SLC8A2: variants seen among roughly 807,000 people sequenced by gnomAD.
SLC8A2 encodes solute carrier family 8 member A2, also known as sodium/calcium exchanger 2.
SLC8A2 carries 14 observed loss-of-function variants against 70.2 expected under a neutral mutation model. That is an observed-to-expected ratio of 0.20 (90% CI 0.13 to 0.31). The LOEUF is 0.31. SLC8A2 is among the 10% of genes least tolerant of loss of function. SLC8A2 has a pLI of 1.00. For missense variants in SLC8A2, 779 were observed against 1,320.1 expected, an observed-to-expected ratio of 0.59 and a Z score of 6.35; for synonymous variants, 575 against 594.3, an observed-to-expected ratio of 0.97 and a Z score of 0.47.
At chr19:47,446,922 T>G (rs1408963831) in intron 4 of SLC8A2, among the ~76,000 whole-genome samples, 1 of 152,092 alleles carries the variant, frequency 6.6e-6, no homozygotes, top group African/African-American at 2.4e-5. Context: ...TGTGTGTGTC[T>G]GAGTGTATCC....
Position 47,466,481 on chromosome 19 carries a change from T to TCAAA in SLC8A2, c.-16-66_-16-63dup. 1.6e-6 allele frequency: 1 copy of TCAAA among 623,986 alleles called. No homozygotes were observed. 38.7% of individuals were successfully genotyped at this position (623,986 alleles called of 1,614,324 possible). The stretch of plus-strand genomic sequence containing the variant: ...CAAACCTCTTTCTGTCATACAAAGG[T>TCAAA]CAAAGCTCACTGGGGAAGGAGGGTT... On this transcript the variant is annotated intron_variant, in intron 1 of 9. Coordinates refer to ENST00000236877, the MANE Select transcript of SLC8A2 (RefSeq NM_015063.3). The surrounding 1 kb of genome is among the most constrained non-coding windows in gnomAD (Gnocchi z 6.9).
chr19:47,458,204 C>T (rs922346976), intron 2 of SLC8A2, among the ~76,000 whole-genome samples: 1 of 149,276 alleles, frequency 6.7e-6, no homozygotes, highest in Admixed American at 6.7e-5. Flanking sequence ...TCTCTCCCCA[C>T]CTCTTTCTGA....
chr19:47,447,413 T>A lies in SLC8A2; in HGVS notation c.1763+396A>T. On this transcript the variant is annotated intron_variant, in intron 4 of 9. Coordinates refer to ENST00000236877, the MANE Select transcript of SLC8A2 (RefSeq NM_015063.3). The surrounding 1 kb of genome is among the most constrained non-coding windows in gnomAD (Gnocchi z 5.1). ...CTCTCCTCACCTCGTCCCCCCTTCCTCCTTGGGGCCCTCTTCTCACCTGTC... is the reference window on the plus strand; with the variant it reads ...CTCTCCTCACCTCGTCCCCCCTTCCACCTTGGGGCCCTCTTCTCACCTGTC... 1 of 254,116 alleles carries A rather than the reference T, an allele frequency of 3.9e-6. No individual in the cohort carries two copies. Among genetic ancestry groups the A allele is most frequent in the Non-Finnish European group, 7.6e-6 (1 of 131,724 alleles). The allele number at this position is 254,116 out of a possible 1,614,324, so 15.7% of individuals were successfully genotyped here. A position where few individuals can be genotyped will look rare whatever the true frequency, so the allele number is the denominator to read the frequency against.
In SLC8A2 at chr19:47,457,439, C is replaced by T. The variant is rs779415776; in HGVS notation, c.831G>A (p.Pro277=). Residue 277 remains proline (P), a synonymous_variant, in exon 3 of 10, where the codon CCG becomes CCA. Coordinates refer to ENST00000236877, the MANE Select transcript of SLC8A2 (RefSeq NM_015063.3). ...GIIIGAEGDP[P]KSIELDGTFV... ...ACGTGCCGTCCAGCTCGATGCTCTT[C>T]GGGGGGTCGCCCTCGGCGCCTATGA... 7 of 1,603,814 alleles carry T rather than the reference C, an allele frequency of 4.4e-6. No homozygotes were observed. The highest frequency in any genetic ancestry group is 5.9e-6 in the Non-Finnish European group (7 of 1,176,512).
chr19:47,447,529 G>T lies in SLC8A2; in HGVS notation c.1763+280C>A. The T allele has an allele frequency of 2.2e-6, 1 of 455,644 alleles. No homozygotes were observed. The highest frequency in any genetic ancestry group is 2.7e-5 in the South Asian group (1 of 37,418). 28.2% of individuals were successfully genotyped at this position (455,644 alleles called of 1,614,324 possible). A position where few individuals can be genotyped will look rare whatever the true frequency, so the allele number is the denominator to read the frequency against. On this transcript the variant is annotated intron_variant, in intron 4 of 9. Coordinates refer to ENST00000236877, the MANE Select transcript of SLC8A2 (RefSeq NM_015063.3). This position sits in a 1 kb window ranked among gnomAD's most constrained non-coding sequence, Gnocchi z 5.1. ...GGTAGACACAGCACACCTAGGCCCC[G>T]CCCCTCCCGAGGCCAAGCCCACTTT...
At position 47,468,445 on chromosome 19, in the gene SLC8A2, C is replaced by T. The variant is rs963191628; in HGVS notation, c.-16-2026G>A. Among the ~76,000 whole-genome samples, 6 of 152,156 alleles carry T rather than the reference C, an allele frequency of 3.9e-5. No homozygotes were observed. Among genetic ancestry groups the T allele is most frequent in the African/African-American group, 1.4e-4 (6 of 41,444 alleles). On this transcript the variant is annotated intron_variant, in intron 1 of 9. Coordinates refer to ENST00000236877, the MANE Select transcript of SLC8A2 (RefSeq NM_015063.3). This position sits in a 1 kb window ranked among gnomAD's most constrained non-coding sequence, Gnocchi z 5.1. Reference sequence around the variant, plus strand: ...CCAAGTAGCGGGAAGTACAGGCGTGCGCCACCATGCCCAGCTAATTTATTG... The same window carrying T: ...CCAAGTAGCGGGAAGTACAGGCGTGTGCCACCATGCCCAGCTAATTTATTG...
chr19:47,465,658 A>C lies in SLC8A2; in HGVS notation c.675+71T>G. 7.5e-7 allele frequency: 1 copy of C among 1,330,874 alleles called. No homozygotes were observed. The allele number at this position is 1,330,874 out of a possible 1,614,324, so 82.4% of individuals were successfully genotyped here. The stretch of plus-strand genomic sequence containing the variant: ...CTGCAAATACAGCAATCAACACTCC[A>C]AGCCAAGAGCACCTCTCTGGATTTT... On this transcript the variant is annotated intron_variant, in intron 2 of 9. Coordinates refer to ENST00000236877, the MANE Select transcript of SLC8A2 (RefSeq NM_015063.3). This position sits in a 1 kb window ranked among gnomAD's most constrained non-coding sequence, Gnocchi z 5.5.
chr19:47,430,038 C>T lies in SLC8A2; in HGVS notation c.*51G>A, dbSNP rs1240746519. The stretch of plus-strand genomic sequence containing the variant: ...GACCAGGGTCCAAGAGCAGGTGCAG[C>T]CGAGTCCCTAGCCCCGGGCGGGCGG... On this transcript the variant is annotated 3_prime_UTR_variant, in exon 10 of 10. Coordinates refer to ENST00000236877, the MANE Select transcript of SLC8A2 (RefSeq NM_015063.3). This position sits in a 1 kb window ranked among gnomAD's most constrained non-coding sequence, Gnocchi z 5.9. 6.6e-7 allele frequency: 1 copy of T among 1,525,308 alleles called. No individual in the cohort carries two copies. Among genetic ancestry groups the T allele is most frequent in the South Asian group, 1.2e-5 (1 of 80,096 alleles). The allele number at this position is 1,525,308 out of a possible 1,614,324, so 94.5% of individuals were successfully genotyped here.
Position 47,465,153 on chromosome 19 carries a change from T to C in SLC8A2, c.675+576A>G, listed in dbSNP as rs576234420. 6.6e-6 allele frequency among the ~76,000 whole-genome samples: 1 copy of C among 152,362 alleles called. No individual in the cohort carries two copies. Among genetic ancestry groups the C allele is most frequent in the East Asian group, 1.9e-4 (1 of 5,194 alleles). Reference sequence around the variant, plus strand: ...AATGGCTAAATTATGCAGATGTAGGTATATATCTATGCGAGCCCATGGATA... The same window carrying C: ...AATGGCTAAATTATGCAGATGTAGGCATATATCTATGCGAGCCCATGGATA... On this transcript the variant is annotated intron_variant, in intron 2 of 9. Transcript: ENST00000236877. The surrounding 1 kb of genome is among the most constrained non-coding windows in gnomAD (Gnocchi z 5.5).
At chr19:47,439,702 C>T (rs759536457) in intron 6 of SLC8A2, among the ~76,000 whole-genome samples, 14 of 150,734 alleles carry the variant, frequency 9.3e-5, no homozygotes, top group Non-Finnish European at 2.1e-4. Flanking sequence ...CTCGCTCTGT[C>T]ACCCAGGCTG....
Position 47,430,036 on chromosome 19 carries a change from A to G in SLC8A2, c.*53T>C, listed in dbSNP as rs913358712. On this transcript the variant is annotated 3_prime_UTR_variant, in exon 10 of 10. Transcript: ENST00000236877. The surrounding 1 kb of genome is among the most constrained non-coding windows in gnomAD (Gnocchi z 5.9). Reference sequence around the variant, plus strand: ...GAGACCAGGGTCCAAGAGCAGGTGCAGCCGAGTCCCTAGCCCCGGGCGGGC... The same window carrying G: ...GAGACCAGGGTCCAAGAGCAGGTGCGGCCGAGTCCCTAGCCCCGGGCGGGC... 4 of 1,519,908 alleles carry G rather than the reference A, an allele frequency of 2.6e-6. No individual in the cohort carries two copies. The highest frequency in any genetic ancestry group is 2.7e-6 in the Non-Finnish European group (3 of 1,131,858). 94.2% of individuals were successfully genotyped at this position (1,519,908 alleles called of 1,614,324 possible). A position where few individuals can be genotyped will look rare whatever the true frequency, so the allele number is the denominator to read the frequency against.
chr19:47,447,675 C>A lies in SLC8A2; in HGVS notation c.1763+134G>T. On this transcript the variant is annotated intron_variant, in intron 4 of 9. Transcript: ENST00000236877. This position sits in a 1 kb window ranked among gnomAD's most constrained non-coding sequence, Gnocchi z 5.1. ...CGTTGCGGGCACGGCCACGCAGGCC[C>A]CTCCCCTCCCGAGGCCCAACCAAGA... The A allele has an allele frequency of 1.1e-6, 1 of 949,720 alleles. No homozygotes were observed. The highest frequency in any genetic ancestry group is 1.5e-6 in the Non-Finnish European group (1 of 674,202). The allele number at this position is 949,720 out of a possible 1,614,324, so 58.8% of individuals were successfully genotyped here.
chr19:47,462,963 C>T (rs1967414114), intron 2 of SLC8A2, among the ~76,000 whole-genome samples: 1 of 152,078 alleles, frequency 6.6e-6, no homozygotes, highest in South Asian at 2.1e-4. Context: ...AATCTCGTGG[C>T]TACCTGCTCC....
Position 47,429,168 on chromosome 19 carries a change from C to T in SLC8A2, c.*921G>A, listed in dbSNP as rs1244151173. 6.6e-6 allele frequency: 1 copy of T among 152,552 alleles called. No homozygotes were observed. Among genetic ancestry groups the T allele is most frequent in the Non-Finnish European group, 1.5e-5 (1 of 68,068 alleles). The allele number at this position is 152,552 out of a possible 1,614,324, so 9.4% of individuals were successfully genotyped here. A position where few individuals can be genotyped will look rare whatever the true frequency, so the allele number is the denominator to read the frequency against. Reference sequence around the variant, plus strand: ...ATTGTCAGGGGAGATCAACTGGACTCGCTTTGATTCCCGGCCTCCTCCCCA... The same window carrying T: ...ATTGTCAGGGGAGATCAACTGGACTTGCTTTGATTCCCGGCCTCCTCCCCA... On this transcript the variant is annotated 3_prime_UTR_variant, in exon 10 of 10. Transcript: ENST00000236877.
At chr19:47,433,912 G>C (rs1011406406) in intron 8 of SLC8A2, among the ~76,000 whole-genome samples, 3 of 152,124 alleles carry the variant, frequency 2.0e-5, no homozygotes, top group Admixed American at 1.3e-4. Flanking sequence ...CCAAAGTTTT[G>C]GGATTACAGG....
intron 8 of SLC8A2, 103 bp downstream of exon 8, chr19:47,437,351 CCGCGCCCG>C: frequency 1.3e-6 from 1 of 796,916 alleles, no homozygotes; most frequent in East Asian, 2.6e-5. Context: ...GCATGAGCCA[CCGCGCCCG>C]GCCTGTTTAT....
Position 47,432,846 on chromosome 19 carries a change from C to A in SLC8A2, c.2111-401G>T, listed in dbSNP as rs906393966. On this transcript the variant is annotated intron_variant, in intron 8 of 9. Transcript: ENST00000236877. The surrounding 1 kb of genome is among the most constrained non-coding windows in gnomAD (Gnocchi z 6.2). ...TAAAAACAGTTACTTTCCCTGCATCCTTTGAAGCTAGGAGTGTGAATGGGC... is the reference window on the plus strand; with the variant it reads ...TAAAAACAGTTACTTTCCCTGCATCATTTGAAGCTAGGAGTGTGAATGGGC... 6.6e-6 allele frequency among the ~76,000 whole-genome samples: 1 copy of A among 152,050 alleles called. No homozygotes were observed. Among genetic ancestry groups the A allele is most frequent in the African/African-American group, 2.4e-5 (1 of 41,410 alleles).
At chr19:47,434,857 A>G (rs1007475575) in intron 8 of SLC8A2, among the ~76,000 whole-genome samples, 1 of 152,178 alleles carries the variant, frequency 6.6e-6, no homozygotes, top group Non-Finnish European at 1.5e-5. Context: ...CTGAGGATAC[A>G]TTAATTAAAA....
chr19:47,456,802 T>G, intron 3 of SLC8A2, 128 bp downstream of exon 3: 1 of 982,918 alleles, frequency 1.0e-6, no homozygotes, highest in Non-Finnish European at 1.4e-6. Flanking sequence ...CAGGAATGAA[T>G]GAATGAACAA....
Sources: gnomAD v4.1 joint callset for allele counts (sites outside exome capture counted in the v4.1 genomes callset) on GRCh38, gnomAD v4.1.1 for gene constraint, Gnocchi (gnomAD v3.1) non-coding constraint, MANE v1.5 for transcripts, NCBI Gene and HGNC (gene_info 2026-07-23, HGNC 2026-07-21) for gene names.